Variants in TNNT3 observed in about 807,000 individuals in gnomAD.
The protein encoded by TNNT3 is troponin T, fast skeletal muscle.
In TNNT3, 36 loss-of-function variants were observed where a neutral mutation model predicts 54.2. The ratio of observed to expected loss-of-function variants is 0.66; its 90% CI spans 0.51 to 0.88. TNNT3 has a LOEUF of 0.88. TNNT3 is among the 40% of genes least tolerant of loss of function. The pLI is 0.00. For synonymous variants in TNNT3, 120 were observed against 109.7 expected, an observed-to-expected ratio of 1.09 and a Z score of -0.59; for missense variants, 291 against 331.6, an observed-to-expected ratio of 0.88 and a Z score of 0.95.
chr11:1,932,136 G>A (rs1853569707), intron 8 of TNNT3, among the ~76,000 whole-genome samples: 2 of 152,226 alleles, frequency 1.3e-5, no homozygotes, highest in Non-Finnish European at 2.9e-5. Flanking sequence ...CACCCGACAT[G>A]GCTGCATTTG....
chr11:1,929,218 G>C, intron 7 of TNNT3, 75 bp downstream of exon 7: 1 of 1,543,376 alleles, frequency 6.5e-7, no homozygotes. Context: ...GACAGGCTGG[G>C]GTCTCTCGCT....
chr11:1,927,135 A>G (rs1011581931), intron 6 of TNNT3, among the ~76,000 whole-genome samples: 11 of 152,138 alleles, frequency 7.2e-5, no homozygotes, highest in African/African-American at 2.6e-4. Flanking sequence ...GCGGGAAGGT[A>G]GGGAGGGGTG....
intron 8 of TNNT3, among the ~76,000 whole-genome samples, chr11:1,930,500 A>T (rs1334118850): frequency 6.6e-6 from 1 of 151,974 alleles, no homozygotes; most frequent in Non-Finnish European, 1.5e-5. Flanking sequence ...CCTGCTTGTG[A>T]GCACTTCGTG....
intron 1 of TNNT3, among the ~76,000 whole-genome samples, chr11:1,921,770 G>A (rs1359752143): frequency 6.6e-6 from 1 of 152,198 alleles, no homozygotes; most frequent in African/African-American, 2.4e-5. Context: ...AGGGGGGACC[G>A]TAGCTATTGT....
intron 13 of TNNT3, 81 bp downstream of exon 13, chr11:1,934,736 A>G (rs1667091925): frequency 6.3e-7 from 1 of 1,597,220 alleles, no homozygotes; most frequent in Non-Finnish European, 8.6e-7. Flanking sequence ...GCTGCCAAGG[A>G]CCGTGCTCCC....
At chr11:1,928,277 T>A (rs1351021662) in intron 6 of TNNT3, among the ~76,000 whole-genome samples, 5 of 152,178 alleles carry the variant, frequency 3.3e-5, no homozygotes, top group African/African-American at 1.2e-4. Context: ...CAGACCCCCC[T>A]CCTGGGCCCC....
chr11:1,934,890 G>C lies in TNNT3; in HGVS notation c.652G>C (p.Gly218Arg). The change falls in exon 14 of 16, where the codon GGG (glycine) becomes CGG (arginine). Residue 218 changes from glycine (G) to arginine (R), a missense_variant. Coordinates refer to ENST00000278317, the MANE Select transcript of TNNT3 (RefSeq NM_006757.4). ...HQLEIDKFEF[G>R]EKLKRQKYDI... ...GCTGGAGATTGACAAGTTCGAGTTTGGGGAGAAGCTGAAACGCCAGAAATA... is the reference window on the plus strand; with the variant it reads ...GCTGGAGATTGACAAGTTCGAGTTTCGGGAGAAGCTGAAACGCCAGAAATA... 6.2e-7 allele frequency: 1 copy of C among 1,613,646 alleles called. No individual in the cohort carries two copies. Among genetic ancestry groups the C allele is most frequent in the Non-Finnish European group, 8.5e-7 (1 of 1,180,034 alleles).
chr11:1,932,448 G>A, intron 8 of TNNT3, 21 bp from the exon 9 acceptor site: 1 of 1,613,200 alleles, frequency 6.2e-7, no homozygotes, highest in Non-Finnish European at 8.5e-7. Flanking sequence ...CTGCTCACGG[G>A]CCTCTCTGTC....
At chr11:1,920,942 C>T (rs1260854139) in intron 1 of TNNT3, among the ~76,000 whole-genome samples, 13 of 152,190 alleles carry the variant, frequency 8.5e-5, no homozygotes, top group Non-Finnish European at 1.6e-4. Flanking sequence ...AAACCAGGTG[C>T]CTCAGTTTCC....
chr11:1,920,434 G>A (rs1849836748), intron 1 of TNNT3, among the ~76,000 whole-genome samples: 1 of 152,140 alleles, frequency 6.6e-6, no homozygotes, highest in Non-Finnish European at 1.5e-5. Flanking sequence ...GCGTCCCCCT[G>A]GCTGGAGGCT....
chr11:1,932,478 T>A lies in TNNT3; in HGVS notation c.135T>A (p.Ala45=). 2 of 1,613,794 alleles carry A rather than the reference T, an allele frequency of 1.2e-6. No individual in the cohort carries two copies. Among genetic ancestry groups the A allele is most frequent in the Non-Finnish European group, 1.7e-6 (2 of 1,179,986 alleles). Residue 45 remains alanine, a synonymous_variant, in exon 9 of 16, where the codon GCT becomes GCA. Coordinates refer to ENST00000278317, the MANE Select transcript of TNNT3 (RefSeq NM_006757.4). ...EEEKPRPKLT[A]PKIPEGEKVD... is the part of the protein sequence containing the mutation. ...TCTGTCTCCTCTTCAGACTCACTGC[T>A]CCTAAGATCCCAGAAGGGGAGAAAG...
At chr11:1,919,648 T>C (rs1302387861), upstream of TNNT3, 1 of 152,256 alleles carries the variant, frequency 6.6e-6, no homozygotes, top group Non-Finnish European at 1.5e-5. Context: ...CACTGGCCAA[T>C]GGGCTCCTAG....
Position 1,936,819 on chromosome 11 carries a change from T to C in TNNT3, c.682-144T>C. 5.0e-6 allele frequency: 4 copies of C among 805,318 alleles called. No individual in the cohort carries two copies. In the African/African-American group the frequency reaches 5.1e-5, roughly 10 times the overall value. 49.9% of individuals were successfully genotyped at this position (805,318 alleles called of 1,614,324 possible). On this transcript the variant is annotated intron_variant, in intron 14 of 15. Coordinates refer to ENST00000278317, the MANE Select transcript of TNNT3 (RefSeq NM_006757.4). Reference sequence around the variant, plus strand: ...CCCTGCACAAGGAGCCAGGAGACAGTAAGGGAGCCGAGGAGCCCTCATGGG... The same window carrying C: ...CCCTGCACAAGGAGCCAGGAGACAGCAAGGGAGCCGAGGAGCCCTCATGGG...
intron 6 of TNNT3, chr11:1,927,731 T>A (rs2734510): frequency 1.3e-5 from 2 of 152,058 alleles, no homozygotes; most frequent in African/African-American, 4.8e-5. Context: ...CTCCCCGAAA[T>A]TGCTCAGCCT....
At chr11:1,925,603 C>T (rs1411828421) in intron 5 of TNNT3, among the ~76,000 whole-genome samples, 1 of 152,096 alleles carries the variant, frequency 6.6e-6, no homozygotes, top group Non-Finnish European at 1.5e-5. Flanking sequence ...CCCTAGTCCT[C>T]CACCCCAGGG....
intron 15 of TNNT3, among the ~76,000 whole-genome samples, chr11:1,937,261 G>A (rs1855392984): frequency 6.6e-6 from 1 of 152,110 alleles, no homozygotes; most frequent in Non-Finnish European, 1.5e-5. Flanking sequence ...TGCCTGTCAC[G>A]CCCTCGCCCC....
At position 1,929,166 on chromosome 11, in the gene TNNT3, G is replaced by C. The variant is rs367900904; in HGVS notation, c.106+23G>C. 6.8e-6 allele frequency: 11 copies of C among 1,611,910 alleles called. No individual in the cohort carries two copies. The Admixed American group carries it at 1.8e-4, about 27-fold the overall frequency. Reference sequence around the variant, plus strand: ...AAGGTAAGGGCCCGTCCCTGCCGCCGGAGGTGCAGGACCCTGGCTCTAGCC... The same window carrying C: ...AAGGTAAGGGCCCGTCCCTGCCGCCCGAGGTGCAGGACCCTGGCTCTAGCC... On this transcript the variant is annotated intron_variant, in intron 7 of 15. Transcript: ENST00000278317.
At chr11:1,922,062 T>C (rs1850231241) in intron 1 of TNNT3, among the ~76,000 whole-genome samples, 1 of 152,188 alleles carries the variant, frequency 6.6e-6, no homozygotes, top group Admixed American at 6.5e-5. Flanking sequence ...GGCTGTTCTG[T>C]GGGCTCCTGC....
chr11:1,929,698 C>A, intron 7 of TNNT3, 112 bp from the exon 8 acceptor site: 1 of 1,211,204 alleles, frequency 8.3e-7, no homozygotes. Flanking sequence ...AGGACGGTGG[C>A]CTTCAGTGAA....
Sources: gnomAD v4.1 joint callset for allele counts (sites outside exome capture counted in the v4.1 genomes callset) on GRCh38, gnomAD v4.1.1 for gene constraint, MANE v1.5 for transcripts, NCBI Gene and HGNC (gene_info 2026-07-23, HGNC 2026-07-21) for gene names.